ANOS1: variants seen among roughly 807,000 people sequenced by gnomAD.
ANOS1 encodes the protein anosmin 1.
Under a neutral mutation model 59.0 loss-of-function variants are expected in ANOS1, and 6 were observed. The ratio of observed to expected loss-of-function variants is 0.10; its 90% CI spans 0.06 to 0.20. The LOEUF (loss-of-function observed/expected upper bound fraction) is 0.20. Ranked by LOEUF, ANOS1 falls within the 10% of genes least tolerant of loss-of-function variation. The pLI is 1.00. For synonymous variants in ANOS1, 217 were observed against 223.4 expected (o/e 0.97, Z 0.25); for missense variants, 433 against 542.3 (o/e 0.80, Z 2.00).
intron 6 of ANOS1, among the ~76,000 whole-genome samples, chrX:8,580,030 T>C (rs1017335642): frequency 8.9e-6 from 1 of 112,280 alleles, no homozygotes; most frequent in African/African-American, 3.2e-5. Context: ...AATCTCTATT[T>C]GTTGAAATCT....
chrX:8,588,056 G>A, intron 4 of ANOS1, 78 bp from the exon 5 acceptor site: 2 of 900,588 alleles, frequency 2.2e-6, no homozygotes, highest in Non-Finnish European at 3.2e-6. Context: ...AACAAATATG[G>A]AAGAGATGAA....
chrX:8,570,439 T>G (rs373458068), intron 7 of ANOS1, 60 bp downstream of exon 7: 2 of 1,015,011 alleles, frequency 2.0e-6, no homozygotes, highest in East Asian at 3.1e-5. Context: ...TTCAGGCCAG[T>G]TGCCTTGAGT....
chrX:8,589,262 C>T (rs1930574602), intron 4 of ANOS1, among the ~76,000 whole-genome samples: 1 of 111,946 alleles, frequency 8.9e-6, no homozygotes, highest in Non-Finnish European at 1.9e-5. Context: ...AAAATGTTTA[C>T]CATACCTATT....
At chrX:8,632,932 G>GT (rs750002383) in intron 2 of ANOS1, among the ~76,000 whole-genome samples, 1 of 111,355 alleles carries the variant, frequency 9.0e-6, no homozygotes, top group Non-Finnish European at 1.9e-5. Flanking sequence ...GATGAAAGCT[G>GT]TTTTTTTCTC....
intron 2 of ANOS1, among the ~76,000 whole-genome samples, chrX:8,673,774 T>C (rs1932293098): frequency 9.0e-6 from 1 of 111,687 alleles, no homozygotes. Flanking sequence ...ACAGAGACAA[T>C]GCTTGATTCA....
At chrX:8,685,612 GAAAGAA>G (rs1224500431) in intron 2 of ANOS1, among the ~76,000 whole-genome samples, 1 of 79,944 alleles carries the variant, frequency 1.3e-5, no homozygotes, top group African/African-American at 5.7e-5. Flanking sequence ...AAGAAAGAAA[GAAAGAA>G]AGAAAGAAAG....
intron 1 of ANOS1, among the ~76,000 whole-genome samples, chrX:8,720,410 T>C (rs920771568): frequency 4.5e-5 from 5 of 111,229 alleles, no homozygotes; most frequent in African/African-American, 1.6e-4. Flanking sequence ...GCATGGAAAA[T>C]TGGATAGGCC....
chrX:8,599,787 G>A (rs1021067211), intron 3 of ANOS1, among the ~76,000 whole-genome samples: 2 of 112,015 alleles, frequency 1.8e-5, no homozygotes, highest in African/African-American at 6.5e-5. Context: ...GGTTATCTAG[G>A]CAGGAGACTG....
At chrX:8,721,309 T>C (rs1416131985) in intron 1 of ANOS1, among the ~76,000 whole-genome samples, 1 of 111,791 alleles carries the variant, frequency 8.9e-6, no homozygotes, top group Non-Finnish European at 1.9e-5. Context: ...AGTGGAGTCA[T>C]TCAGTACAAA....
At chrX:8,681,774 T>A (rs1932428823) in intron 2 of ANOS1, among the ~76,000 whole-genome samples, 1 of 112,164 alleles carries the variant, frequency 8.9e-6, no homozygotes, top group Non-Finnish European at 1.9e-5. Context: ...AAAGATGCTT[T>A]AAAAGCAAAT....
intron 3 of ANOS1, among the ~76,000 whole-genome samples, chrX:8,599,172 C>T (rs1033474925): frequency 1.8e-5 from 2 of 112,144 alleles, no homozygotes; most frequent in African/African-American, 6.5e-5. Flanking sequence ...GCTCCGTTTG[C>T]TACAACCATT....
intron 3 of ANOS1, among the ~76,000 whole-genome samples, chrX:8,607,700 C>G (rs1432747702): frequency 9.0e-6 from 1 of 111,164 alleles, no homozygotes; most frequent in Non-Finnish European, 1.9e-5. Context: ...TAGTGAATAC[C>G]AAGAATGCCA....
intron 1 of ANOS1, among the ~76,000 whole-genome samples, chrX:8,724,506 G>T (rs1215153475): frequency 1.8e-5 from 2 of 112,403 alleles, no homozygotes; most frequent in East Asian, 5.6e-4. Flanking sequence ...TTCCAGCAGG[G>T]GGCTGACCTC....
intron 2 of ANOS1, among the ~76,000 whole-genome samples, chrX:8,696,892 G>A (rs1389348991): frequency 8.9e-6 from 1 of 112,457 alleles, no homozygotes; most frequent in Non-Finnish European, 1.9e-5. Flanking sequence ...ACCTGTGCTG[G>A]ACAATAGGCA....
At chrX:8,608,054 GTCCCCT>G (rs1365805786) in intron 3 of ANOS1, among the ~76,000 whole-genome samples, 11 of 111,794 alleles carry the variant, frequency 9.8e-5, no homozygotes, top group African/African-American at 3.6e-4. Context: ...AATACAGCCT[GTCCCCT>G]TCAGAGCTTG....
intron 2 of ANOS1, among the ~76,000 whole-genome samples, chrX:8,671,090 C>T (rs1932246533): frequency 9.0e-6 from 1 of 111,619 alleles, no homozygotes; most frequent in African/African-American, 3.3e-5. Context: ...TTCATCATTC[C>T]CCAAAATATC....
intron 8 of ANOS1, among the ~76,000 whole-genome samples, chrX:8,556,667 G>A (rs769219123): frequency 9.0e-6 from 1 of 111,546 alleles, no homozygotes; most frequent in African/African-American, 3.3e-5. Flanking sequence ...ACTGCTCAAG[G>A]AAATAAGAGA....
chrX:8,583,228 T>C (rs1362577355), intron 6 of ANOS1, among the ~76,000 whole-genome samples: 4 of 107,282 alleles, frequency 3.7e-5, no homozygotes. Context: ...ACATGGGTAA[T>C]AAAAGAGGCA....
chrX:8,706,275 T>G (rs927745757), intron 1 of ANOS1, among the ~76,000 whole-genome samples: 1 of 112,228 alleles, frequency 8.9e-6, no homozygotes, highest in Non-Finnish European at 1.9e-5. Context: ...CAGTCTACAA[T>G]TTCCAAAATA....
Sources: gnomAD v4.1 joint callset for allele counts (sites outside exome capture counted in the v4.1 genomes callset) on GRCh38, gnomAD v4.1.1 for gene constraint, MANE v1.5 for transcripts, NCBI Gene and HGNC (gene_info 2026-07-23, HGNC 2026-07-21) for gene names.